LARGE1: variants seen among roughly 807,000 people sequenced by gnomAD.
LARGE1 encodes LARGE xylosyl- and glucuronyltransferase 1, also known as xylosyl- and glucuronyltransferase LARGE1.
Under a neutral mutation model 87.6 loss-of-function variants are expected in LARGE1, and 43 were observed. That is an observed-to-expected ratio of 0.49 (90% confidence interval 0.38 to 0.63). The LOEUF (loss-of-function observed/expected upper bound fraction) is 0.63. LARGE1 is among the 30% of genes least tolerant of loss of function. The pLI is 0.00. For synonymous variants in LARGE1, 434 were observed against 394.6 expected, an observed-to-expected ratio of 1.10 and a Z score of -1.18; for missense variants, 802 against 1,000.2, an observed-to-expected ratio of 0.80 and a Z score of 2.67.
At chr22:33,757,895 A>G (rs2084579541) in intron 2 of LARGE1, among the ~76,000 whole-genome samples, 1 of 152,304 alleles carries the variant, frequency 6.6e-6, no homozygotes, top group Middle Eastern at 3.4e-3. Context: ...TCATGGAGGC[A>G]TTGCCTTTGT....
intron 2 of LARGE1, among the ~76,000 whole-genome samples, chr22:33,666,052 T>G (rs1270022909): frequency 6.6e-6 from 1 of 152,128 alleles, no homozygotes; most frequent in East Asian, 1.9e-4. Flanking sequence ...TCTAAATATC[T>G]CTTTCCAGGA....
chr22:33,607,633 A>G lies in LARGE1; in HGVS notation c.492-3075T>C, dbSNP rs1005862692. On this transcript the variant is annotated intron_variant, in intron 4 of 14. Coordinates refer to ENST00000397394, the MANE Select transcript of LARGE1 (RefSeq NM_133642.5). ...CAATGGCTCCAGGACAGGGAATACAATGAGAAAGGCACCTTGGAGGAGGAC... is the reference window on the plus strand; with the variant it reads ...CAATGGCTCCAGGACAGGGAATACAGTGAGAAAGGCACCTTGGAGGAGGAC... Among the ~76,000 whole-genome samples, 4 of 152,186 alleles carry G rather than the reference A, an allele frequency of 2.6e-5. No homozygotes were observed. In the East Asian group the frequency reaches 7.7e-4, roughly 29 times the overall value.
chr22:33,365,551 C>T (rs538133811), intron 9 of LARGE1, among the ~76,000 whole-genome samples: 71 of 151,578 alleles, frequency 4.7e-4, no homozygotes, highest in African/African-American at 1.7e-3. Flanking sequence ...TTAAGAGTTG[C>T]TTATATATTT....
At chr22:33,570,051 T>G (rs980786278) in intron 5 of LARGE1, among the ~76,000 whole-genome samples, 3 of 152,210 alleles carry the variant, frequency 2.0e-5, no homozygotes, top group Non-Finnish European at 4.4e-5. Context: ...TGTTGAGCCC[T>G]GAAGCCTGGG....
chr22:33,770,835 T>C (rs1216545444), intron 1 of LARGE1, among the ~76,000 whole-genome samples: 1 of 152,156 alleles, frequency 6.6e-6, no homozygotes, highest in Non-Finnish European at 1.5e-5. Flanking sequence ...ATAATCCAAA[T>C]GGGAGGTCAT....
chr22:33,694,974 T>A (rs17733790), intron 2 of LARGE1, among the ~76,000 whole-genome samples: 49 of 152,214 alleles, frequency 3.2e-4, no homozygotes, highest in Admixed American at 2.7e-3. Flanking sequence ...ATATCCAGGC[T>A]GCATCCCCAA....
chr22:33,825,361 A>C (rs113282818), intron 1 of LARGE1, among the ~76,000 whole-genome samples: 19 of 125,868 alleles, frequency 1.5e-4, no homozygotes, highest in African/African-American at 5.1e-4. Flanking sequence ...ATTATAATAA[A>C]AGACATACCC....
intron 7 of LARGE1, among the ~76,000 whole-genome samples, chr22:33,385,292 A>G (rs1050259244): frequency 8.8e-5 from 13 of 147,848 alleles, no homozygotes; most frequent in African/African-American, 2.7e-4. Flanking sequence ...TAAACCCAGC[A>G]CTTTGGGAGG....
At chr22:33,247,110 T>C (rs925052238) in intron 11 of LARGE1, among the ~76,000 whole-genome samples, 4 of 150,904 alleles carry the variant, frequency 2.7e-5, no homozygotes, top group Admixed American at 2.6e-4. Flanking sequence ...TGTGGTATGT[T>C]AAGAAAAGGT....
intron 11 of LARGE1, among the ~76,000 whole-genome samples, chr22:33,183,070 A>G (rs983588229): frequency 6.6e-6 from 1 of 152,054 alleles, no homozygotes; most frequent in Non-Finnish European, 1.5e-5. Flanking sequence ...TATATCTGAT[A>G]AGCAGTATCA....
At chr22:33,722,126 A>G (rs989210138) in intron 2 of LARGE1, among the ~76,000 whole-genome samples, 1 of 151,962 alleles carries the variant, frequency 6.6e-6, no homozygotes, top group Non-Finnish European at 1.5e-5. Flanking sequence ...GGTGGTGGGC[A>G]TCTGTAATCT....
rs1926969572 is a variant in LARGE1 at position 33,250,610 on chromosome 22, T to A, written c.1730+53619A>T. On this transcript the variant is annotated intron_variant, in intron 11 of 11. Transcript: ENST00000608642. ...GATTTTAGTGAAAGAGCTTTAAATTTCTCACCACTACGTGTGATATTAGCT... is the reference window on the plus strand; with the variant it reads ...GATTTTAGTGAAAGAGCTTTAAATTACTCACCACTACGTGTGATATTAGCT... Among the ~76,000 whole-genome samples, 3 of 152,348 alleles carry A rather than the reference T, an allele frequency of 2.0e-5. No individual in the cohort carries two copies. The South Asian group carries it at 6.2e-4, about 32-fold the overall frequency.
chr22:33,528,544 A>G (rs892551382), intron 6 of LARGE1, among the ~76,000 whole-genome samples: 1 of 152,198 alleles, frequency 6.6e-6, no homozygotes, highest in Non-Finnish European at 1.5e-5. Context: ...CAAAAGGTGA[A>G]GCAAAGGACA....
chr22:33,488,543 A>G (rs2148266621), intron 6 of LARGE1, among the ~76,000 whole-genome samples: 1 of 152,338 alleles, frequency 6.6e-6, no homozygotes, highest in Non-Finnish European at 1.5e-5. Context: ...ATGGTTTTAC[A>G]GGACAGCTTT....
intron 1 of LARGE1, among the ~76,000 whole-genome samples, chr22:33,832,438 C>T (rs1360871459): frequency 1.3e-5 from 2 of 152,132 alleles, no homozygotes; most frequent in Admixed American, 6.5e-5. Context: ...GGGACAAACT[C>T]GAGCCTTAAC....
At chr22:33,854,426 C>T (rs1466058863) in intron 1 of LARGE1, among the ~76,000 whole-genome samples, 2 of 152,082 alleles carry the variant, frequency 1.3e-5, no homozygotes, top group Non-Finnish European at 2.9e-5. Flanking sequence ...TCCAGGCTGA[C>T]CTTTCACCAT....
chr22:33,629,806 T>C, intron 3 of LARGE1, among the ~76,000 whole-genome samples: 1 of 152,062 alleles, frequency 6.6e-6, no homozygotes, highest in East Asian at 1.9e-4. Context: ...GGGTCTTGGC[T>C]CATGCCTGTG....
intron 6 of LARGE1, among the ~76,000 whole-genome samples, chr22:33,502,348 A>G (rs983193298): frequency 6.6e-6 from 1 of 152,186 alleles, no homozygotes; most frequent in African/African-American, 2.4e-5. Context: ...AGAAAGTTCC[A>G]GTACGAAGGA....
chr22:33,277,922 T>C (rs766546980), intron 13 of LARGE1, among the ~76,000 whole-genome samples: 1 of 152,188 alleles, frequency 6.6e-6, no homozygotes, highest in Non-Finnish European at 1.5e-5. Context: ...GCTGCCAGAC[T>C]GTGGTAGGAG....
Sources: allele counts gnomAD v4.1 joint callset (sites outside exome capture counted in the v4.1 genomes callset), GRCh38; gene constraint gnomAD v4.1.1; transcripts MANE v1.5; gene names NCBI Gene and HGNC (gene_info 2026-07-23, HGNC 2026-07-21).